Variants in KCTD7 observed in about 807,000 individuals in gnomAD.
The protein encoded by KCTD7 is potassium channel tetramerization domain containing 7, also known as BTB/POZ domain-containing protein KCTD7.
In KCTD7, 15 loss-of-function variants were observed where a neutral mutation model predicts 27.0. That is an observed-to-expected ratio of 0.56 (90% CI 0.37 to 0.86). The LOEUF (loss-of-function observed/expected upper bound fraction) is 0.86. Among genes scored for constraint, KCTD7 ranks in the 40% least tolerant of loss-of-function variants. The pLI, the probability that KCTD7 is intolerant of heterozygous loss-of-function variation, is 0.00. For synonymous variants in KCTD7, 159 were observed against 162.7 expected (o/e 0.98, Z 0.17); for missense variants, 299 against 398.9 (o/e 0.75, Z 2.13).
intron 2 of KCTD7, among the ~76,000 whole-genome samples, chr7:66,634,802 C>T (rs1468893966): frequency 6.6e-6 from 1 of 151,728 alleles, no homozygotes; most frequent in Admixed American, 6.6e-5. Flanking sequence ...AAAAAAAAAC[C>T]CTCTGTTGTT....
intron 1 of KCTD7, among the ~76,000 whole-genome samples, chr7:66,632,242 C>T (rs1786464440): frequency 6.6e-6 from 1 of 150,844 alleles, no homozygotes; most frequent in African/African-American, 2.4e-5. Flanking sequence ...AATCCCAGCA[C>T]TTGGGGAGGC....
intron 1 of KCTD7, 74 bp downstream of exon 1, chr7:66,629,282 C>A: frequency 9.6e-7 from 1 of 1,043,350 alleles, no homozygotes; most frequent in Non-Finnish European, 1.2e-6. Flanking sequence ...GCATAGCGGT[C>A]CTCGGCGGGT....
Position 66,642,669 on chromosome 7 carries a change from C to T in KCTD7, c.*3437C>T. The T allele has an allele frequency of 2.0e-6, 2 of 985,350 alleles. No individual in the cohort carries two copies. The highest frequency in any genetic ancestry group is 2.4e-6 in the Non-Finnish European group (2 of 829,934). 61.0% of individuals were successfully genotyped at this position (985,350 alleles called of 1,614,324 possible). A position where few individuals can be genotyped will look rare whatever the true frequency, so the allele number is the denominator to read the frequency against. On this transcript the variant is annotated 3_prime_UTR_variant, in exon 4 of 4. Transcript: ENST00000639828. Reference sequence around the variant, plus strand: ...TTTCTTGGGTACTATTTTGCTGGGGCTCTTGCGTGAAGGTGGTACCTGTCT... The same window carrying T: ...TTTCTTGGGTACTATTTTGCTGGGGTTCTTGCGTGAAGGTGGTACCTGTCT...
At chr7:66,638,814 G>C (rs778245978) in intron 3 of KCTD7, 42 bp from the exon 4 acceptor site, 2 of 1,612,064 alleles carry the variant, frequency 1.2e-6, no homozygotes, top group Admixed American at 1.7e-5. Context: ...GCCCTGTCCT[G>C]CCTCTTCACC....
In KCTD7 at chr7:66,640,850, A is replaced by AATAC; in HGVS notation, c.*1621_*1622insCATA. On this transcript the variant is annotated 3_prime_UTR_variant, in exon 4 of 4. Coordinates refer to ENST00000639828, the MANE Select transcript of KCTD7 (RefSeq NM_153033.5). ...CATCGTAAAAATAAATAAATAAATA[A>AATAC]ATAAATTGGGGAGGACAGCCTCACT... The AATAC allele has an allele frequency of 1.0e-6, 1 of 983,700 alleles. No homozygotes were observed. Among genetic ancestry groups the AATAC allele is most frequent in the Non-Finnish European group, 1.2e-6 (1 of 828,004 alleles). The allele number at this position is 983,700 out of a possible 1,614,324, so 60.9% of individuals were successfully genotyped here.
At position 66,638,972 on chromosome 7, in the gene KCTD7, T is replaced by C. The variant is rs1338485374; in HGVS notation, c.610T>C (p.Cys204Arg). The C allele has an allele frequency of 2.5e-6, 4 of 1,614,146 alleles. No individual in the cohort carries two copies. Among genetic ancestry groups the C allele is most frequent in the Non-Finnish European group, 3.4e-6 (4 of 1,180,006 alleles). Reference protein sequence around the residue: ...KEEMPITPYECPLLNSLRFER... With the variant: ...KEEMPITPYERPLLNSLRFER... Reference sequence around the variant, plus strand: ...GGAGATGCCCATCACCCCCTATGAGTGTCCGCTCCTCAACTCCCTGCGATT... The same window carrying C: ...GGAGATGCCCATCACCCCCTATGAGCGTCCGCTCCTCAACTCCCTGCGATT... Residue 204 changes from cysteine (C) to arginine (R), a missense_variant, in exon 4 of 4, where the codon TGT becomes CGT. Transcript: ENST00000639828.
chr7:66,633,589 AT>A, intron 2 of KCTD7, 145 bp downstream of exon 2: 1 of 818,152 alleles, frequency 1.2e-6, no homozygotes, highest in South Asian at 1.6e-5. Context: ...ATTGAAAGAG[AT>A]CAATTTTTTT....
At chr7:66,630,151 C>T (rs1306421170) in intron 1 of KCTD7, among the ~76,000 whole-genome samples, 1 of 152,092 alleles carries the variant, frequency 6.6e-6, no homozygotes, top group African/African-American at 2.4e-5. Flanking sequence ...CCTGTAGTCC[C>T]AGGTGCTCAG....
chr7:66,642,202 A>G lies in KCTD7; in HGVS notation c.*2970A>G. On this transcript the variant is annotated 3_prime_UTR_variant, in exon 4 of 4. Coordinates refer to ENST00000639828, the MANE Select transcript of KCTD7 (RefSeq NM_153033.5). ...ACACTGAAATGCATCCCACTCCAGG[A>G]GAGGAATTCTTAGCGTAACACTCTA... is the stretch of plus-strand genomic sequence containing the variant. 1 of 985,460 alleles carries G rather than the reference A, an allele frequency of 1.0e-6. No individual in the cohort carries two copies. Among genetic ancestry groups the G allele is most frequent in the Non-Finnish European group, 1.2e-6 (1 of 829,938 alleles). 61.0% of individuals were successfully genotyped at this position (985,460 alleles called of 1,614,324 possible).
intron 1 of KCTD7, among the ~76,000 whole-genome samples, chr7:66,631,541 C>T (rs1379462562): frequency 6.7e-6 from 1 of 150,316 alleles, no homozygotes; most frequent in Non-Finnish European, 1.5e-5. Flanking sequence ...TGCACTCCAG[C>T]CTGGGTGTTG....
In KCTD7 at chr7:66,638,494, G is replaced by T. The variant is rs546503242; in HGVS notation, c.493+63G>T. ...GGAGGTCTGCAAGGCATCTGTGAGT[G>T]TTTAGGTCTCCATCAGAACACCGGG... On this transcript the variant is annotated intron_variant, in intron 3 of 3. Transcript: ENST00000639828. The T allele has an allele frequency of 6.6e-5, 102 of 1,545,698 alleles. No homozygotes were observed. The African/African-American group carries it at 1.4e-3, about 21-fold the overall frequency.
At chr7:66,629,565 C>A (rs1338105190) in intron 1 of KCTD7, among the ~76,000 whole-genome samples, 1 of 152,000 alleles carries the variant, frequency 6.6e-6, no homozygotes, top group Non-Finnish European at 1.5e-5. Flanking sequence ...GTGTGTCTGA[C>A]CAGGCACCGT....
At chr7:66,638,638 C>T in intron 3 of KCTD7, 1 of 769,762 alleles carries the variant, frequency 1.3e-6, no homozygotes, top group South Asian at 1.8e-5. Context: ...AATTGTATTT[C>T]AGAAGGACAG....
In KCTD7 at chr7:66,633,966, C is replaced by T. The variant is rs528349343; in HGVS notation, c.314+522C>T. Among the ~76,000 whole-genome samples the T allele has an allele frequency of 4.0e-5, 6 of 151,766 alleles. No individual in the cohort carries two copies. In the South Asian group the frequency reaches 6.2e-4, roughly 16 times the overall value. ...TCACGCCTCTGCGCTCCAGCCTGGG[C>T]GACACGAGATTCCATCTCAAAAAAC... On this transcript the variant is annotated intron_variant, in intron 2 of 3. Coordinates refer to ENST00000639828, the MANE Select transcript of KCTD7 (RefSeq NM_153033.5).
intron 2 of KCTD7, among the ~76,000 whole-genome samples, chr7:66,635,073 T>TG (rs1786556406): frequency 6.6e-6 from 1 of 150,682 alleles, no homozygotes; most frequent in Admixed American, 6.7e-5. Flanking sequence ...AGTGCAGTGA[T>TG]GCAAGCACAG....
At chr7:66,633,021 G>A (rs1786489759) in intron 1 of KCTD7, among the ~76,000 whole-genome samples, 1 of 151,930 alleles carries the variant, frequency 6.6e-6, no homozygotes, top group South Asian at 2.1e-4. Flanking sequence ...TCACGCCACT[G>A]CACTCCAGCC....
chr7:66,630,176 A>G (rs2116757983), intron 1 of KCTD7, among the ~76,000 whole-genome samples: 1 of 152,270 alleles, frequency 6.6e-6, no homozygotes, highest in East Asian at 1.9e-4. Context: ...GTGAGTTGGG[A>G]GGATTGCTTG....
chr7:66,638,651 C>G, intron 3 of KCTD7: 1 of 782,290 alleles, frequency 1.3e-6, no homozygotes, highest in East Asian at 2.7e-5. Context: ...AAGGACAGCC[C>G]TCGTCCCATT....
At chr7:66,635,101 C>T (rs1786556867) in intron 2 of KCTD7, among the ~76,000 whole-genome samples, 1 of 151,276 alleles carries the variant, frequency 6.6e-6, no homozygotes, top group Non-Finnish European at 1.5e-5. Flanking sequence ...CAGCCTTGAC[C>T]TCCCAGGTGC....
Sources: allele counts gnomAD v4.1 joint callset (sites outside exome capture counted in the v4.1 genomes callset), GRCh38; gene constraint gnomAD v4.1.1; transcripts MANE v1.5; gene names NCBI Gene and HGNC (gene_info 2026-07-23, HGNC 2026-07-21).